Variants in FCGRT observed in about 807,000 individuals in gnomAD.
The protein encoded by FCGRT is IgG receptor FcRn large subunit p51.
Under a neutral mutation model 35.7 loss-of-function variants are expected in FCGRT, and 13 were observed. The ratio of observed to expected loss-of-function variants is 0.36; its 90% CI spans 0.24 to 0.58. The LOEUF is 0.58. Among genes scored for constraint, FCGRT ranks in the 20% least tolerant of loss-of-function variants. The pLI is 0.77. For synonymous variants in FCGRT, 233 were observed against 216.5 expected (o/e 1.08, Z -0.67); for missense variants, 455 against 474.9 (o/e 0.96, Z 0.39).
chr19:49,525,344 A>G (rs937181335), intron 5 of FCGRT, 113 bp from the exon 6 acceptor site: 33 of 827,186 alleles, frequency 4.0e-5, no homozygotes, highest in Admixed American at 1.0e-4. Flanking sequence ...CCCATCAGAC[A>G]CTTGGTGCTG....
Position 49,526,011 on chromosome 19 carries a change from C to T in FCGRT, c.990C>T (p.Ala330=), listed in dbSNP as rs2080074743. ...LWRRMRSGLP[A]PWISLRGDDT... ...CTCTCCCTCTCTCTCTCTCCTCAGCCCCTTGGATCTCCCTTCGTGGAGACG... is the reference window on the plus strand; with the variant it reads ...CTCTCCCTCTCTCTCTCTCCTCAGCTCCTTGGATCTCCCTTCGTGGAGACG... The change falls in exon 7 of 7, where the codon GCC becomes GCT. Residue 330 remains alanine, a splice_region_variant and synonymous_variant. Transcript: ENST00000221466. 1.3e-6 allele frequency: 2 copies of T among 1,598,710 alleles called. No homozygotes were observed. Among genetic ancestry groups the T allele is most frequent in the Non-Finnish European group, 1.7e-6 (2 of 1,166,432 alleles).
chr19:49,516,260 G>A, intron 4 of FCGRT: 1 of 419,548 alleles, frequency 2.4e-6, no homozygotes, highest in South Asian at 1.7e-5. Context: ...TTCTTTTTTT[G>A]AGACAGAGTT....
At chr19:49,517,824 C>T (rs569607199) in intron 4 of FCGRT, among the ~76,000 whole-genome samples, 88 of 152,224 alleles carry the variant, frequency 5.8e-4, no homozygotes, top group African/African-American at 2.0e-3. Flanking sequence ...TCCTGAGTAG[C>T]TGGGATTACA....
At position 49,524,541 on chromosome 19, in the gene FCGRT, C is replaced by A. The variant is rs1370269878; in HGVS notation, c.636C>A (p.Ser212Arg). Reference protein sequence around the residue: ...PPSMRLKARPSSPGFSVLTCS... With the variant: ...PPSMRLKARPRSPGFSVLTCS... The stretch of plus-strand genomic sequence containing the variant: ...CCATGCGCCTGAAGGCCCGACCCAG[C>A]AGCCCTGGCTTTTCCGTGCTTACCT... Residue 212 changes from serine to arginine, a missense_variant, in exon 5 of 7, where the codon AGC becomes AGA. Transcript: ENST00000221466. The A allele has an allele frequency of 3.1e-6, 5 of 1,611,142 alleles. No individual in the cohort carries two copies. Among genetic ancestry groups the A allele is most frequent in the Non-Finnish European group, 4.2e-6 (5 of 1,178,134 alleles).
Position 49,514,128 on chromosome 19 carries a change from G to A in FCGRT, c.320G>A (p.Gly107Glu), listed in dbSNP as rs1160378515. 1.2e-6 allele frequency: 2 copies of A among 1,612,834 alleles called. No individual in the cohort carries two copies. The highest frequency in any genetic ancestry group is 1.7e-6 in the Non-Finnish European group (2 of 1,179,724). ...CTGGAAGCTTTCAAAGCTTTGGGGG[G>A]AAAAGGTGAGATTCCGGTCTGGAGG... ...LFLEAFKALG[G>E]KGPYTLQGLL... The change falls in exon 3 of 7, where the codon GGA becomes GAA. Residue 107 changes from glycine (G) to glutamate (E), a missense_variant. Physicochemically the swap from Gly to Glu is moderately conservative, Grantham distance 98. Coordinates refer to ENST00000221466, the MANE Select transcript of FCGRT (RefSeq NM_001136019.3).
At position 49,516,069 on chromosome 19, in the gene FCGRT, G is replaced by A. The variant is rs753473135; in HGVS notation, c.601+1583G>A. On this transcript the variant is annotated intron_variant, in intron 4 of 6. Coordinates refer to ENST00000221466, the MANE Select transcript of FCGRT (RefSeq NM_001136019.3). ...ACTGCCAGGCGCTGCTCTGGGCCTTGAGCAAAGAGGGAAGTGACACACATT... is the reference window on the plus strand; with the variant it reads ...ACTGCCAGGCGCTGCTCTGGGCCTTAAGCAAAGAGGGAAGTGACACACATT... 154 of 408,666 alleles carry A rather than the reference G, an allele frequency of 3.8e-4. 2 individuals carry two copies. Among genetic ancestry groups the A allele is most frequent in the South Asian group, 2.7e-3 (151 of 56,368 alleles). The allele number at this position is 408,666 out of a possible 1,614,324, so 25.3% of individuals were successfully genotyped here.
intron 2 of FCGRT, 139 bp downstream of exon 2, chr19:49,513,612 A>G (rs1032809625): frequency 2.1e-5 from 10 of 478,810 alleles, no homozygotes; most frequent in Non-Finnish European, 3.1e-5. Flanking sequence ...AACTTTCTCA[A>G]CGTCTCCTGC....
At chr19:49,524,868 C>G in intron 5 of FCGRT, 92 bp downstream of exon 5, 1 of 1,203,190 alleles carries the variant, frequency 8.3e-7, no homozygotes, top group South Asian at 1.3e-5. Context: ...TTCCTCCCCA[C>G]TGCTGCCACC....
chr19:49,518,110 G>C (rs2080019316), intron 4 of FCGRT, among the ~76,000 whole-genome samples: 1 of 152,044 alleles, frequency 6.6e-6, no homozygotes, highest in Non-Finnish European at 1.5e-5. Flanking sequence ...ACCGTGCCCA[G>C]CCAGACTGTT....
chr19:49,524,850 G>A, intron 5 of FCGRT, 74 bp downstream of exon 5: 3 of 1,407,770 alleles, frequency 2.1e-6, no homozygotes, highest in Non-Finnish European at 2.0e-6. Context: ...TCCTTCCTGA[G>A]TCTGACCTTC....
intron 4 of FCGRT, among the ~76,000 whole-genome samples, chr19:49,516,918 G>A (rs1021686261): frequency 2.0e-5 from 3 of 152,028 alleles, no homozygotes; most frequent in Admixed American, 6.6e-5. Flanking sequence ...GACCAGACAC[G>A]GTGGCTCACG....
chr19:49,516,375 T>C (rs2080007754), intron 4 of FCGRT, among the ~76,000 whole-genome samples: 1 of 150,760 alleles, frequency 6.6e-6, no homozygotes, highest in East Asian at 1.9e-4. Flanking sequence ...CCCGAGTAGC[T>C]GGGACTACAG....
At chr19:49,523,700 A>G (rs1251094322) in intron 4 of FCGRT, among the ~76,000 whole-genome samples, 2 of 151,818 alleles carry the variant, frequency 1.3e-5, no homozygotes, top group East Asian at 3.9e-4. Flanking sequence ...CTCTACTAAA[A>G]ATACAAAAAA....
intron 4 of FCGRT, among the ~76,000 whole-genome samples, chr19:49,514,714 A>C (rs1270582708): frequency 7.2e-6 from 1 of 139,288 alleles, no homozygotes; most frequent in South Asian, 2.2e-4. Flanking sequence ...TTTTTGTGAG[A>C]CGGAGTTTCG....
chr19:49,516,331 C>T (rs1373217380), intron 4 of FCGRT: 4 of 337,610 alleles, frequency 1.2e-5, no homozygotes, highest in Admixed American at 4.2e-5. Flanking sequence ...CAACCTCCGC[C>T]TCCCAGGTTC....
Position 49,525,439 on chromosome 19 carries a change from A to G in FCGRT, c.872-18A>G. On this transcript the variant is annotated intron_variant, in intron 5 of 6. Transcript: ENST00000221466. ...GTGGAGGGGCTGCTCCACATCTCACAGCGTTCTCTGGCTGCAGAATCTCCA... is the reference window on the plus strand; with the variant it reads ...GTGGAGGGGCTGCTCCACATCTCACGGCGTTCTCTGGCTGCAGAATCTCCA... 1.9e-6 allele frequency: 3 copies of G among 1,594,292 alleles called. No individual in the cohort carries two copies. The highest frequency in any genetic ancestry group is 1.3e-5 in the African/African-American group (1 of 74,692).
At chr19:49,522,907 G>A (rs938759708) in intron 4 of FCGRT, among the ~76,000 whole-genome samples, 1 of 150,308 alleles carries the variant, frequency 6.7e-6, no homozygotes, top group Non-Finnish European at 1.5e-5. Context: ...CCTCCCAAGT[G>A]GCTGGGACTA....
intron 4 of FCGRT, among the ~76,000 whole-genome samples, chr19:49,514,827 G>A (rs1238051890): frequency 6.6e-6 from 1 of 151,640 alleles, no homozygotes; most frequent in African/African-American, 2.4e-5. Context: ...CGAGTGGCTG[G>A]GATTACAGGC....
intron 4 of FCGRT, among the ~76,000 whole-genome samples, chr19:49,522,944 A>AT (rs1186551922): frequency 6.7e-6 from 1 of 149,494 alleles, no homozygotes; most frequent in Non-Finnish European, 1.5e-5. Context: ...CGCCCGGCTA[A>AT]TTTTTTGTAT....
Sources: allele counts gnomAD v4.1 joint callset (sites outside exome capture counted in the v4.1 genomes callset), GRCh38; gene constraint gnomAD v4.1.1; transcripts MANE v1.5; gene names NCBI Gene and HGNC (gene_info 2026-07-23, HGNC 2026-07-21).